FHIP1A: variants seen among roughly 807,000 people sequenced by gnomAD.
FHIP1A encodes FHF complex subunit HOOK interacting protein 1A.
A neutral mutation model predicts 88.6 loss-of-function variants in FHIP1A; 61 were observed. That is an observed-to-expected ratio of 0.69 (90% CI 0.56 to 0.85). The LOEUF (loss-of-function observed/expected upper bound fraction) is 0.85, where lower values mean the gene tolerates loss of function less well. FHIP1A is among the 40% of genes least tolerant of loss of function. The pLI is 0.00. For missense variants in FHIP1A, 1,154 were observed against 1,273.5 expected (o/e 0.91, Z 1.43); for synonymous variants, 478 against 496.0 (o/e 0.96, Z 0.48).
chr4:151,609,163 G>C (rs1198752465), intron 7 of FHIP1A, among the ~76,000 whole-genome samples: 1 of 152,168 alleles, frequency 6.6e-6, no homozygotes, highest in Non-Finnish European at 1.5e-5. Flanking sequence ...GCCACTCAGT[G>C]ATGTCATGTA....
At chr4:151,654,515 A>G (rs1426178822) in intron 11 of FHIP1A, among the ~76,000 whole-genome samples, 2 of 152,154 alleles carry the variant, frequency 1.3e-5, no homozygotes, top group Non-Finnish European at 2.9e-5. Flanking sequence ...CCACCTAAGT[A>G]TGTCTTAATT....
intron 2 of FHIP1A, among the ~76,000 whole-genome samples, chr4:151,459,647 G>A (rs1729082198): frequency 6.6e-6 from 1 of 152,180 alleles, no homozygotes; most frequent in African/African-American, 2.4e-5. Context: ...TCCTATTGTG[G>A]AAGAGCAAAT....
intron 1 of FHIP1A, among the ~76,000 whole-genome samples, chr4:151,453,445 C>T (rs1192392279): frequency 6.6e-6 from 1 of 152,156 alleles, no homozygotes. Flanking sequence ...CTTATTTTGT[C>T]ATCTACAATA....
At chr4:151,598,610 G>A (rs903647274) in intron 7 of FHIP1A, among the ~76,000 whole-genome samples, 8 of 152,108 alleles carry the variant, frequency 5.3e-5, no homozygotes, top group Admixed American at 3.9e-4. Context: ...TGCCATCAGC[G>A]TAGGCAGTTT....
At chr4:151,450,844 C>A (rs1728766224) in intron 1 of FHIP1A, among the ~76,000 whole-genome samples, 1 of 151,914 alleles carries the variant, frequency 6.6e-6, no homozygotes, top group African/African-American at 2.4e-5. Context: ...GTGGTGTAAT[C>A]TCAGCTCACT....
intron 2 of FHIP1A, among the ~76,000 whole-genome samples, chr4:151,459,286 T>C (rs925998462): frequency 2.0e-5 from 3 of 152,194 alleles, no homozygotes; most frequent in East Asian, 1.9e-4. Context: ...GAAGGTAAGA[T>C]TGATTGATGG....
At chr4:151,627,748 C>T (rs560182044) in intron 7 of FHIP1A, among the ~76,000 whole-genome samples, 5 of 152,246 alleles carry the variant, frequency 3.3e-5, no homozygotes, top group South Asian at 2.1e-4. Flanking sequence ...TTATAAAAAA[C>T]GTCTCTACTT....
chr4:151,567,741 G>A (rs1222501314), intron 4 of FHIP1A, among the ~76,000 whole-genome samples: 4 of 151,936 alleles, frequency 2.6e-5, no homozygotes, highest in South Asian at 2.1e-4. Flanking sequence ...TGTTTAAAAC[G>A]TACATTATAC....
At chr4:151,460,519 C>T (rs1004178377) in intron 2 of FHIP1A, among the ~76,000 whole-genome samples, 1 of 152,122 alleles carries the variant, frequency 6.6e-6, no homozygotes, top group South Asian at 2.1e-4. Context: ...ATATCTTGCA[C>T]ACAGTGCAAA....
In FHIP1A at chr4:151,577,908, A is replaced by G; in HGVS notation, c.564A>G (p.Glu188=). 6.4e-7 allele frequency: 1 copy of G among 1,551,704 alleles called. No homozygotes were observed. The highest frequency in any genetic ancestry group is 8.7e-7 in the Non-Finnish European group (1 of 1,146,980). The part of the protein sequence containing the change: ...SILELFFHTS[E]DQGAANFLIF... The stretch of plus-strand genomic sequence containing the variant: ...TAGAACTCTTCTTCCACACTAGTGA[A>G]GACCAAGGCGCTGCCAACTTCCTCA... The change falls in exon 5 of 14, where the codon GAA becomes GAG. Residue 188 remains glutamate, a synonymous_variant. Coordinates refer to ENST00000435205, the MANE Select transcript of FHIP1A (RefSeq NM_001109977.3).
intron 4 of FHIP1A, among the ~76,000 whole-genome samples, chr4:151,567,228 C>T (rs1425106183): frequency 6.6e-6 from 1 of 152,108 alleles, no homozygotes; most frequent in Non-Finnish European, 1.5e-5. Flanking sequence ...CAACATTGCA[C>T]TCCCCAGGTG....
intron 3 of FHIP1A, among the ~76,000 whole-genome samples, chr4:151,501,547 T>C (rs1730647795): frequency 6.6e-6 from 1 of 151,870 alleles, no homozygotes; most frequent in African/African-American, 2.4e-5. Context: ...ATTTCTTTGA[T>C]AATCAAAGAA....
At chr4:151,497,475 A>G (rs914427284) in intron 3 of FHIP1A, among the ~76,000 whole-genome samples, 5 of 152,234 alleles carry the variant, frequency 3.3e-5, no homozygotes, top group Non-Finnish European at 5.9e-5. Flanking sequence ...TATTGAATGT[A>G]TGTATCTTGC....
intron 2 of FHIP1A, among the ~76,000 whole-genome samples, chr4:151,465,194 C>G (rs1334761841): frequency 1.3e-5 from 2 of 152,082 alleles, no homozygotes; most frequent in South Asian, 2.1e-4. Context: ...GGCCCTGTCT[C>G]TTTAAAAGAA....
At chr4:151,550,555 G>A (rs1053885543) in intron 3 of FHIP1A, among the ~76,000 whole-genome samples, 5 of 152,114 alleles carry the variant, frequency 3.3e-5, no homozygotes, top group Non-Finnish European at 7.4e-5. Flanking sequence ...AATATTGATT[G>A]AACTTACTGA....
intron 3 of FHIP1A, among the ~76,000 whole-genome samples, chr4:151,562,912 T>C (rs1409541942): frequency 1.3e-5 from 2 of 152,174 alleles, no homozygotes; most frequent in Non-Finnish European, 2.9e-5. Flanking sequence ...ATGGCTAGAA[T>C]CTGAGCTTTT....
chr4:151,549,724 TTACTC>T (rs1448040584), intron 3 of FHIP1A, among the ~76,000 whole-genome samples: 1 of 152,166 alleles, frequency 6.6e-6, no homozygotes, highest in African/African-American at 2.4e-5. Flanking sequence ...TGCTTACACT[TTACTC>T]TATGGACTCA....
At chr4:151,444,487 G>C (rs143058865) in intron 1 of FHIP1A, among the ~76,000 whole-genome samples, 1 of 151,982 alleles carries the variant, frequency 6.6e-6, no homozygotes, top group Non-Finnish European at 1.5e-5. Context: ...TTAGAAACCC[G>C]TTTGTCCTCC....
At chr4:151,649,263 C>T (rs531409082) in intron 10 of FHIP1A, among the ~76,000 whole-genome samples, 196 bp from the exon 11 acceptor site, 7 of 152,182 alleles carry the variant, frequency 4.6e-5, no homozygotes, top group South Asian at 2.1e-4. Context: ...TTCTATCTTC[C>T]GTGAGGGTAG....
Sources: gnomAD v4.1 joint callset for allele counts (sites outside exome capture counted in the v4.1 genomes callset) on GRCh38, gnomAD v4.1.1 for gene constraint, MANE v1.5 for transcripts, NCBI Gene and HGNC (gene_info 2026-07-23, HGNC 2026-07-21) for gene names.